Variants in PARD3 observed in about 807,000 individuals in gnomAD.
PARD3 encodes the protein par-3 family cell polarity regulator, also known as partitioning defective 3 homolog.
Under a neutral mutation model 155.4 loss-of-function variants are expected in PARD3, and 75 were observed. That is an observed-to-expected ratio of 0.48 (90% CI 0.40 to 0.58). The LOEUF (loss-of-function observed/expected upper bound fraction) is 0.58, where lower values mean the gene tolerates loss of function less well. PARD3 is among the 20% of genes least tolerant of loss of function. The pLI, the probability that PARD3 is intolerant of heterozygous loss-of-function variation, is 0.00. For synonymous variants in PARD3, 576 were observed against 610.5 expected (o/e 0.94, Z 0.83); for missense variants, 1,642 against 1,721.7 (o/e 0.95, Z 0.82).
At chr10:34,586,316 G>A (rs1227602723) in intron 2 of PARD3, among the ~76,000 whole-genome samples, 5 of 152,126 alleles carry the variant, frequency 3.3e-5, no homozygotes, top group African/African-American at 1.2e-4. Flanking sequence ...CAATCTAGTA[G>A]GATAAGTAGG....
At chr10:34,436,339 T>C (rs150318537) in intron 5 of PARD3, among the ~76,000 whole-genome samples, 33 of 152,324 alleles carry the variant, frequency 2.2e-4, no homozygotes, top group East Asian at 1.5e-3. Context: ...AGCCTGTATG[T>C]TGGCCAACTC....
intron 1 of PARD3, among the ~76,000 whole-genome samples, chr10:34,735,362 T>G (rs950800058): frequency 2.0e-5 from 3 of 152,200 alleles, no homozygotes; most frequent in African/African-American, 7.2e-5. Flanking sequence ...AATAAAGTTA[T>G]GATAGGTTCA....
intron 10 of PARD3, among the ~76,000 whole-genome samples, chr10:34,376,269 G>A (rs2384219): frequency 0.59 from 89,551 of 152,078 alleles, 28,441 homozygotes; most frequent in African/African-American, 0.85. Flanking sequence ...CGAAAGACAT[G>A]CAGGTTGCAG....
At chr10:34,402,652 T>C (rs1216905136) in intron 5 of PARD3, among the ~76,000 whole-genome samples, 1 of 152,212 alleles carries the variant, frequency 6.6e-6, no homozygotes, top group African/African-American at 2.4e-5. Context: ...CTATGCTTCC[T>C]TTGACAAAGG....
At chr10:34,493,507 G>A (rs951620455) in intron 3 of PARD3, among the ~76,000 whole-genome samples, 5 of 152,008 alleles carry the variant, frequency 3.3e-5, no homozygotes, top group African/African-American at 4.8e-5. Flanking sequence ...CACGGCAGGC[G>A]GATCACCTGA....
chr10:34,436,020 G>C (rs1441981253), intron 5 of PARD3, among the ~76,000 whole-genome samples: 1 of 152,178 alleles, frequency 6.6e-6, no homozygotes, highest in African/African-American at 2.4e-5. Flanking sequence ...GGAATGCTCA[G>C]GGGTAATAAC....
intron 22 of PARD3, among the ~76,000 whole-genome samples, chr10:34,185,881 C>T (rs1950471283): frequency 6.7e-6 from 1 of 149,372 alleles, no homozygotes; most frequent in South Asian, 2.1e-4. Flanking sequence ...CCATATTACA[C>T]ATTATATTGC....
At chr10:34,335,435 A>G (rs560903532) in intron 18 of PARD3, among the ~76,000 whole-genome samples, 9 of 152,156 alleles carry the variant, frequency 5.9e-5, no homozygotes, top group Admixed American at 1.3e-4. Context: ...CAAACTTATA[A>G]TAAGTCATAA....
rs114600482 is a variant in PARD3 at position 34,336,406 on chromosome 10, A to G, written c.2561-163T>C. On this transcript the variant is annotated intron_variant, in intron 17 of 24. Transcript: ENST00000374788. ...ACATTCATAATCAAAAAAGGAGGAA[A>G]AAAAAGCAGTGTCTCCATGCAATAT... The G allele has an allele frequency of 8.4e-4, 481 of 570,934 alleles. 2 individuals carry two copies. In the African/African-American group the frequency reaches 8.5e-3, roughly 10 times the overall value. 35.4% of individuals were successfully genotyped at this position (570,934 alleles called of 1,614,324 possible). A position where few individuals can be genotyped will look rare whatever the true frequency, so the allele number is the denominator to read the frequency against.
chr10:34,416,596 G>C (rs1326951830), intron 5 of PARD3, among the ~76,000 whole-genome samples: 1 of 152,156 alleles, frequency 6.6e-6, no homozygotes, highest in Non-Finnish European at 1.5e-5. Context: ...CCTGACTCTA[G>C]TGTTTAGTTG....
chr10:34,193,772 A>G (rs1314824359), intron 22 of PARD3, among the ~76,000 whole-genome samples: 2 of 152,204 alleles, frequency 1.3e-5, no homozygotes, highest in Non-Finnish European at 2.9e-5. Context: ...CAAGAGCTCT[A>G]AGTGAAGCTG....
intron 1 of PARD3, among the ~76,000 whole-genome samples, chr10:34,757,289 A>G (rs1475407800): frequency 6.6e-6 from 1 of 152,238 alleles, no homozygotes; most frequent in Non-Finnish European, 1.5e-5. Context: ...TCTTATTCTC[A>G]TCTAACACAG....
At position 34,269,971 on chromosome 10, in the gene PARD3, T is replaced by C. The variant is rs1955534561; in HGVS notation, c.3177-72A>G. 1.0e-5 allele frequency: 14 copies of C among 1,393,372 alleles called. No individual in the cohort carries two copies. The South Asian group carries it at 1.3e-4, about 13-fold the overall frequency. 86.3% of individuals were successfully genotyped at this position (1,393,372 alleles called of 1,614,324 possible). ...TAGGAACTGCATATAGAAACATTCA[T>C]CAAAATATGTTGTAAAATATATTTG... On this transcript the variant is annotated intron_variant, in intron 21 of 24. Coordinates refer to ENST00000374788, the MANE Select transcript of PARD3 (RefSeq NM_001184785.2).
intron 2 of PARD3, among the ~76,000 whole-genome samples, chr10:34,685,581 C>T (rs1027014220): frequency 5.0e-4 from 74 of 148,236 alleles, no homozygotes; most frequent in African/African-American, 1.7e-3. Flanking sequence ...ACTTAATGCA[C>T]GTGATTCCCG....
intron 23 of PARD3, among the ~76,000 whole-genome samples, chr10:34,123,733 G>C (rs930859532): frequency 1.3e-5 from 2 of 151,800 alleles, no homozygotes; most frequent in Non-Finnish European, 2.9e-5. Flanking sequence ...GGTCTCATAC[G>C]GTGTTTTATG....
intron 22 of PARD3, among the ~76,000 whole-genome samples, chr10:34,167,151 G>A (rs918890869): frequency 6.6e-6 from 1 of 152,150 alleles, no homozygotes; most frequent in African/African-American, 2.4e-5. Context: ...AACCTGTCAA[G>A]GAAATCTCCC....
chr10:34,573,734 AAAACACAC>A (rs1465544541), intron 2 of PARD3, among the ~76,000 whole-genome samples: 1 of 10,778 alleles, frequency 9.3e-5, no homozygotes, highest in African/African-American at 3.7e-4. Flanking sequence ...CAAACAAACA[AAAACACAC>A]ACACACACAC....
intron 3 of PARD3, among the ~76,000 whole-genome samples, chr10:34,509,678 G>A (rs1001672158): frequency 1.2e-4 from 18 of 152,110 alleles, no homozygotes; most frequent in Non-Finnish European, 1.8e-4. Flanking sequence ...TGGTGAGGGC[G>A]GCCCATGATG....
intron 1 of PARD3, among the ~76,000 whole-genome samples, chr10:34,762,276 AAGAGACAG>A (rs1343029638): frequency 4.3e-5 from 4 of 93,980 alleles, no homozygotes; most frequent in African/African-American, 7.2e-5. Flanking sequence ...GAGAGAGACA[AAGAGACAG>A]AGAGACAGAG....
Sources: gnomAD v4.1 joint callset for allele counts (sites outside exome capture counted in the v4.1 genomes callset) on GRCh38, gnomAD v4.1.1 for gene constraint, MANE v1.5 for transcripts, NCBI Gene and HGNC (gene_info 2026-07-23, HGNC 2026-07-21) for gene names.